The following NIPA2 variants were observed in gnomAD, a reference collection of about 807,000 sequenced individuals.
NIPA2 encodes the protein magnesium transporter NIPA2.
In NIPA2, 11 loss-of-function variants were observed where a neutral mutation model predicts 29.7. The ratio of observed to expected loss-of-function variants is 0.37; its 90% CI spans 0.23 to 0.61. The LOEUF (loss-of-function observed/expected upper bound fraction) is 0.61, where lower values mean the gene tolerates loss of function less well. NIPA2 is among the 20% of genes least tolerant of loss of function. The pLI, the probability that NIPA2 is intolerant of heterozygous loss-of-function variation, is 0.66. For synonymous variants in NIPA2, 183 were observed against 161.9 expected (o/e 1.13, Z -0.99); for missense variants, 426 against 437.9 (o/e 0.97, Z 0.24).
chr15:22,849,737 G>C (rs2057580335), intron 3 of NIPA2, among the ~76,000 whole-genome samples: 3 of 151,948 alleles, frequency 2.0e-5, no homozygotes, highest in Non-Finnish European at 4.4e-5. Flanking sequence ...TTTTGTTTTT[G>C]TATTTTTAGT....
intron 3 of NIPA2, among the ~76,000 whole-genome samples, chr15:22,847,339 T>C (rs1411978081): frequency 6.6e-6 from 1 of 152,192 alleles, no homozygotes; most frequent in Non-Finnish European, 1.5e-5. Flanking sequence ...ATTTGTTCCA[T>C]TACCATAGAA....
chr15:22,841,013 T>A (rs1192783328), intron 2 of NIPA2, among the ~76,000 whole-genome samples: 2 of 14,152 alleles, frequency 1.4e-4, no homozygotes, highest in Non-Finnish European at 1.3e-4. Flanking sequence ...GAATAAAAGG[T>A]GGGGTGGGGG....
At chr15:22,863,033 C>T (rs1377202828) in intron 7 of NIPA2, among the ~76,000 whole-genome samples, 2 of 150,116 alleles carry the variant, frequency 1.3e-5, no homozygotes, top group African/African-American at 4.9e-5. Context: ...TCCTGTGTAG[C>T]TGGGACTACA....
intron 7 of NIPA2, among the ~76,000 whole-genome samples, chr15:22,865,465 G>A (rs569111815): frequency 2.7e-4 from 40 of 150,322 alleles, no homozygotes; most frequent in Non-Finnish European, 4.3e-4. Flanking sequence ...CAGCCTGGGC[G>A]ACAGAGCAAG....
Position 22,867,377 on chromosome 15 carries a change from C to CT in NIPA2, c.*533dup. ...ACTAAGTTACTGAATGAAGGAACCT[C>CT]TTTCTTACAAAACAAAAAAAAGGGC... is the stretch of plus-strand genomic sequence containing the variant. On this transcript the variant is annotated 3_prime_UTR_variant, in exon 8 of 8. Transcript: ENST00000337451. The CT allele has an allele frequency of 5.1e-6, 2 of 391,260 alleles. No homozygotes were observed. Among genetic ancestry groups the CT allele is most frequent in the Non-Finnish European group, 9.0e-6 (2 of 222,168 alleles). 24.2% of individuals were successfully genotyped at this position (391,260 alleles called of 1,614,324 possible).
intron 3 of NIPA2, among the ~76,000 whole-genome samples, chr15:22,849,968 G>GT (rs1295702721): frequency 2.6e-5 from 4 of 151,996 alleles, no homozygotes; most frequent in African/African-American, 4.8e-5. Context: ...ACTAAAGGTT[G>GT]TATTTTAAAA....
chr15:22,844,960 G>A (rs775888975), intron 2 of NIPA2, among the ~76,000 whole-genome samples, 186 bp from the exon 3 acceptor site: 7 of 152,156 alleles, frequency 4.6e-5, no homozygotes, highest in Non-Finnish European at 2.9e-5. Flanking sequence ...GCTGCTCAGT[G>A]TTTGTTGAGC....
At chr15:22,863,534 T>G (rs1209755521) in intron 7 of NIPA2, among the ~76,000 whole-genome samples, 1 of 152,230 alleles carries the variant, frequency 6.6e-6, no homozygotes, top group Non-Finnish European at 1.5e-5. Flanking sequence ...TCCTGTGGCC[T>G]CCTGGCCGGG....
intron 2 of NIPA2, among the ~76,000 whole-genome samples, chr15:22,840,357 G>T (rs1896731253): frequency 6.7e-6 from 1 of 149,436 alleles, no homozygotes; most frequent in East Asian, 1.9e-4. Flanking sequence ...GAGTGCAGTG[G>T]CACGATCTCT....
intron 3 of NIPA2, among the ~76,000 whole-genome samples, chr15:22,849,047 C>T (rs1432223488): frequency 2.0e-5 from 3 of 152,090 alleles, no homozygotes; most frequent in Non-Finnish European, 4.4e-5. Context: ...AGTGTAAGCA[C>T]ACCTGCTTTT....
rs545449524 is a variant in NIPA2, at chr15:22,865,545, A to T, written c.449-668A>T. Among the ~76,000 whole-genome samples, 49 of 152,200 alleles carry T rather than the reference A, an allele frequency of 3.2e-4. 2 individuals carry two copies. The South Asian group carries it at 9.3e-3, about 29-fold the overall frequency. ...AGTGGAATTTGAGGAAGGAAGAGTA[A>T]ATTCATGTGACTTATCTGGGCCTCA... On this transcript the variant is annotated intron_variant, in intron 7 of 7. Coordinates refer to ENST00000337451, the MANE Select transcript of NIPA2 (RefSeq NM_030922.7).
intron 2 of NIPA2, among the ~76,000 whole-genome samples, chr15:22,844,771 A>G (rs540326641): frequency 2.6e-5 from 4 of 152,290 alleles, no homozygotes; most frequent in African/African-American, 9.6e-5. Flanking sequence ...AACAACAACA[A>G]CAACAACAAA....
rs2141705338 is a variant in NIPA2, at chr15:22,866,988, A to C, written c.*141A>C. 1.3e-6 allele frequency: 1 copy of C among 798,328 alleles called. No individual in the cohort carries two copies. Among genetic ancestry groups the C allele is most frequent in the Non-Finnish European group, 1.9e-6 (1 of 524,798 alleles). 49.5% of individuals were successfully genotyped at this position (798,328 alleles called of 1,614,324 possible). On this transcript the variant is annotated 3_prime_UTR_variant, in exon 8 of 8. Transcript: ENST00000337451. ...AAGATTTCACTAATTTGGACCAAGA[A>C]ATTACTTTTCTTGTATTTAAACAAA... is the stretch of plus-strand genomic sequence containing the variant.
At chr15:22,864,819 ATTAG>A (rs1382321795) in intron 7 of NIPA2, among the ~76,000 whole-genome samples, 1 of 151,936 alleles carries the variant, frequency 6.6e-6, no homozygotes, top group South Asian at 2.1e-4. Flanking sequence ...TGTACCAGTT[ATTAG>A]TTAGCCTTTG....
chr15:22,840,300 T>TG (rs1555376695), intron 2 of NIPA2, among the ~76,000 whole-genome samples: 9 of 138,256 alleles, frequency 6.5e-5, no homozygotes, highest in South Asian at 2.3e-4. Flanking sequence ...GTTTTTTTTT[T>TG]TGTTTTTTTT....
intron 7 of NIPA2, among the ~76,000 whole-genome samples, chr15:22,862,049 C>CTCTTTTTTTTTTTTTTTTTTTT (rs1555387456): frequency 9.6e-6 from 1 of 103,978 alleles, no homozygotes; most frequent in African/African-American, 3.8e-5. Flanking sequence ...ATGGGTCTCT[C>CTCTTTTTTTTTTTTTTTTTTTT]TTTTTTTTTT....
chr15:22,864,619 C>T (rs546690706), intron 7 of NIPA2, among the ~76,000 whole-genome samples: 39 of 152,314 alleles, frequency 2.6e-4, no homozygotes, highest in Non-Finnish European at 2.6e-4. Flanking sequence ...ACGGGAGGGA[C>T]AGTCTCCCAG....
intron 7 of NIPA2, among the ~76,000 whole-genome samples, chr15:22,863,118 A>T (rs1472164632): frequency 6.7e-6 from 1 of 148,184 alleles, no homozygotes; most frequent in Non-Finnish European, 1.5e-5. Context: ...TCTCGCCGTC[A>T]CCCAGGCTGG....
chr15:22,848,929 A>G (rs995957110), intron 3 of NIPA2, among the ~76,000 whole-genome samples: 3 of 151,732 alleles, frequency 2.0e-5, no homozygotes, highest in African/African-American at 7.3e-5. Context: ...AGCTATGTGC[A>G]TAGGCTAAAA....
Sources: allele counts gnomAD v4.1 joint callset (sites outside exome capture counted in the v4.1 genomes callset), GRCh38; gene constraint gnomAD v4.1.1; transcripts MANE v1.5; gene names NCBI Gene and HGNC (gene_info 2026-07-23, HGNC 2026-07-21).